The following ST18 variants were observed in gnomAD, a reference collection of about 807,000 sequenced individuals.
ST18 encodes suppression of tumorigenicity 18 protein.
A neutral mutation model predicts 110.0 loss-of-function variants in ST18; 50 were observed. That is an observed-to-expected ratio of 0.45 (90% CI 0.36 to 0.58). ST18 has a LOEUF of 0.58. ST18 is among the 20% of genes least tolerant of loss of function. The pLI, the probability that ST18 is intolerant of heterozygous loss-of-function variation, is 0.00. For missense variants in ST18, 1,306 were observed against 1,280.1 expected, an observed-to-expected ratio of 1.02 and a Z score of -0.31; for synonymous variants, 461 against 452.4, an observed-to-expected ratio of 1.02 and a Z score of -0.24.
At chr8:52,276,475 A>G (rs1333509555) in intron 2 of ST18, among the ~76,000 whole-genome samples, 2 of 152,170 alleles carry the variant, frequency 1.3e-5, no homozygotes, top group Admixed American at 6.5e-5. Context: ...AACCAAAAAA[A>G]GGAAAGTTAT....
chr8:52,331,422 T>C (rs1809348590), intron 2 of ST18, among the ~76,000 whole-genome samples: 1 of 152,116 alleles, frequency 6.6e-6, no homozygotes. Context: ...CAAAATTTAT[T>C]TTTTAAGAGG....
intron 2 of ST18, among the ~76,000 whole-genome samples, chr8:52,263,958 C>T (rs773555989): frequency 3.7e-4 from 56 of 151,976 alleles, no homozygotes; most frequent in Non-Finnish European, 5.7e-4. Flanking sequence ...GCCACCTCGC[C>T]TGGCTAATTT....
At position 52,285,083 on chromosome 8, in the gene ST18, T is replaced by C. The variant is rs143665315; in HGVS notation, c.-464-55006A>G. On this transcript the variant is annotated intron_variant, in intron 2 of 25. Transcript: ENST00000689386. Reference sequence around the variant, plus strand: ...GAAGGTGTGGGGAGAGGCTGAATAGTTGTTTGTGGGTTGCTTCTGAGATTT... The same window carrying C: ...GAAGGTGTGGGGAGAGGCTGAATAGCTGTTTGTGGGTTGCTTCTGAGATTT... Among the ~76,000 whole-genome samples, 56 of 152,284 alleles carry C rather than the reference T, an allele frequency of 3.7e-4. No homozygotes were observed. In the East Asian group the frequency reaches 0.01, roughly 28 times the overall value.
intron 2 of ST18, among the ~76,000 whole-genome samples, chr8:52,378,379 G>A (rs1833210509): frequency 6.6e-6 from 1 of 152,026 alleles, no homozygotes; most frequent in African/African-American, 2.4e-5. Context: ...ACAACTATAA[G>A]GTATCTATAA....
intron 22 of ST18, among the ~76,000 whole-genome samples, chr8:52,128,563 T>C (rs2047987640): frequency 6.6e-6 from 1 of 152,212 alleles, no homozygotes; most frequent in African/African-American, 2.4e-5. Flanking sequence ...AGGTAGTTAT[T>C]ATATAAATAT....
chr8:52,384,251 G>A (rs185788925), intron 2 of ST18, among the ~76,000 whole-genome samples: 1 of 152,260 alleles, frequency 6.6e-6, no homozygotes, highest in East Asian at 1.9e-4. Flanking sequence ...CAAAGGGAAA[G>A]CCTGATGTTA....
At chr8:52,136,811 C>T (rs137903104) in intron 18 of ST18, among the ~76,000 whole-genome samples, 153 bp from the exon 19 acceptor site, 87 of 152,292 alleles carry the variant, frequency 5.7e-4, no homozygotes, top group African/African-American at 1.9e-3. Flanking sequence ...TTGCTCTTCT[C>T]GCCAGTCTGG....
intron 2 of ST18, among the ~76,000 whole-genome samples, chr8:52,324,165 C>T (rs1429317477): frequency 1.3e-5 from 2 of 152,158 alleles, no homozygotes; most frequent in Non-Finnish European, 2.9e-5. Flanking sequence ...GAGCTGGTTC[C>T]TCTCATGAAG....
intron 8 of ST18, among the ~76,000 whole-genome samples, chr8:52,195,559 T>C (rs1360164650): frequency 1.3e-5 from 2 of 152,072 alleles, no homozygotes; most frequent in Non-Finnish European, 2.9e-5. Flanking sequence ...CATAACTATA[T>C]TTGAGGAAGG....
intron 2 of ST18, among the ~76,000 whole-genome samples, chr8:52,316,610 A>G (rs955539854): frequency 2.6e-5 from 4 of 152,136 alleles, no homozygotes; most frequent in Non-Finnish European, 5.9e-5. Flanking sequence ...GACATTTTAG[A>G]CTTACTTTTA....
intron 2 of ST18, among the ~76,000 whole-genome samples, chr8:52,264,215 T>G (rs16917601): frequency 6.6e-6 from 1 of 152,198 alleles, no homozygotes; most frequent in Non-Finnish European, 1.5e-5. Context: ...TAGGGTATGG[T>G]GTCCTAATTC....
At chr8:52,286,372 A>G (rs1413767767) in intron 2 of ST18, among the ~76,000 whole-genome samples, 2 of 152,242 alleles carry the variant, frequency 1.3e-5, no homozygotes. Context: ...GTCTAAAGTC[A>G]CATCATTGTG....
intron 2 of ST18, among the ~76,000 whole-genome samples, chr8:52,333,598 G>C (rs1810635560): frequency 6.6e-6 from 1 of 152,210 alleles, no homozygotes; most frequent in Admixed American, 6.5e-5. Flanking sequence ...AAACTGGGGT[G>C]GGGGCGAAGC....
intron 8 of ST18, among the ~76,000 whole-genome samples, chr8:52,208,287 A>C (rs571075281): frequency 7.3e-4 from 111 of 152,372 alleles, no homozygotes; most frequent in Non-Finnish European, 9.1e-4. Flanking sequence ...TGTTCTCTAC[A>C]AAATAGCCAT....
chr8:52,308,642 C>A (rs758546820), intron 2 of ST18, among the ~76,000 whole-genome samples: 1 of 152,194 alleles, frequency 6.6e-6, no homozygotes, highest in Non-Finnish European at 1.5e-5. Flanking sequence ...TCACATGCCC[C>A]CTTCCTGAAA....
chr8:52,126,773 C>T (rs947597265), intron 22 of ST18, among the ~76,000 whole-genome samples: 9 of 152,356 alleles, frequency 5.9e-5, no homozygotes, highest in Non-Finnish European at 1.2e-4. Flanking sequence ...TATTCAGATG[C>T]AATCACTGCA....
chr8:52,331,174 C>G (rs1404850818), intron 2 of ST18, among the ~76,000 whole-genome samples: 1 of 152,168 alleles, frequency 6.6e-6, no homozygotes, highest in East Asian at 1.9e-4. Context: ...ACACCTTCGA[C>G]TGGAAGGGGT....
chr8:52,252,793 C>A (rs1473893946), intron 2 of ST18, among the ~76,000 whole-genome samples: 1 of 151,768 alleles, frequency 6.6e-6, no homozygotes, highest in African/African-American at 2.4e-5. Context: ...ATAATCACCA[C>A]TGAGTAATTG....
At chr8:52,162,179 C>G (rs1001640163) in intron 13 of ST18, among the ~76,000 whole-genome samples, 13 of 151,996 alleles carry the variant, frequency 8.6e-5, no homozygotes, top group Non-Finnish European at 1.6e-4. Flanking sequence ...TCACTGCATT[C>G]CAGCCTGGGA....
Sources: gnomAD v4.1 joint callset for allele counts (sites outside exome capture counted in the v4.1 genomes callset) on GRCh38, gnomAD v4.1.1 for gene constraint, MANE v1.5 for transcripts, NCBI Gene and HGNC (gene_info 2026-07-23, HGNC 2026-07-21) for gene names.